The following FHIT variants were observed in gnomAD, a reference collection of about 807,000 sequenced individuals.
FHIT encodes the protein fragile histidine triad diadenosine triphosphatase.
In FHIT, 19 loss-of-function variants were observed where a neutral mutation model predicts 17.9. That is an observed-to-expected ratio of 1.06 (90% CI 0.74 to 1.56). FHIT has a LOEUF of 1.56. Ranked by LOEUF, FHIT falls within the 40% of genes most tolerant of loss-of-function variation. The pLI is 0.00. For synonymous variants in FHIT, 81 were observed against 69.7 expected (o/e 1.16, Z -0.81); for missense variants, 248 against 189.2 (o/e 1.31, Z -1.82).
At chr3:60,931,287 C>A (rs1707939686) in intron 3 of FHIT, among the ~76,000 whole-genome samples, 1 of 152,052 alleles carries the variant, frequency 6.6e-6, no homozygotes. Flanking sequence ...ATGGGTGCAG[C>A]ACACCAACAT....
chr3:61,244,166 A>C (rs935333983), intron 1 of FHIT: 8 of 152,214 alleles, frequency 5.3e-5, no homozygotes, highest in Non-Finnish European at 1.0e-4. Flanking sequence ...AAATGTAAAA[A>C]ATAAACAAAC....
intron 5 of FHIT, among the ~76,000 whole-genome samples, chr3:60,078,173 A>T (rs1448400521): frequency 6.6e-6 from 1 of 152,096 alleles, no homozygotes. Context: ...AACATACTAC[A>T]TTTTCTACAA....
intron 4 of FHIT, among the ~76,000 whole-genome samples, chr3:60,560,848 G>GAA (rs1559540546): frequency 7.0e-6 from 1 of 143,088 alleles, no homozygotes; most frequent in African/African-American, 2.6e-5. Context: ...CACACACAGA[G>GAA]AGAGAGAGAG....
intron 8 of FHIT, among the ~76,000 whole-genome samples, chr3:59,787,311 C>T (rs1332507048): frequency 6.6e-6 from 1 of 152,098 alleles, no homozygotes; most frequent in African/African-American, 2.4e-5. Context: ...GCATTTTTCT[C>T]TTTGAGTTGT....
At chr3:60,110,868 G>A (rs1704639867) in intron 5 of FHIT, among the ~76,000 whole-genome samples, 1 of 152,112 alleles carries the variant, frequency 6.6e-6, no homozygotes, top group Admixed American at 6.5e-5. Context: ...TTTCAATTAT[G>A]TAACTAAAAT....
chr3:60,635,623 T>C (rs1430406980), intron 4 of FHIT, among the ~76,000 whole-genome samples: 1 of 152,210 alleles, frequency 6.6e-6, no homozygotes, highest in Non-Finnish European at 1.5e-5. Flanking sequence ...TCCATAAATA[T>C]TTGCTGCCTG....
chr3:60,545,151 A>T (rs2036319140), intron 4 of FHIT, among the ~76,000 whole-genome samples: 1 of 151,550 alleles, frequency 6.6e-6, no homozygotes, highest in Non-Finnish European at 1.5e-5. Flanking sequence ...TTCACATAAT[A>T]CTGGTAAAAA....
chr3:59,980,821 T>A (rs1195684684), intron 7 of FHIT, among the ~76,000 whole-genome samples: 1 of 152,192 alleles, frequency 6.6e-6, no homozygotes, highest in East Asian at 1.9e-4. Flanking sequence ...GAAAAAAATG[T>A]TGGTCGTTTA....
chr3:59,986,522 T>TTTATATAAATATATAA (rs1559523493), intron 7 of FHIT, among the ~76,000 whole-genome samples: 18 of 5,346 alleles, frequency 3.4e-3, no homozygotes, highest in Non-Finnish European at 5.8e-3. Flanking sequence ...TATATATATA[T>TTTATATAAATATATAA]ATATATATAT....
chr3:60,489,128 T>A (rs924549156), intron 5 of FHIT, among the ~76,000 whole-genome samples: 1 of 151,692 alleles, frequency 6.6e-6, no homozygotes, highest in African/African-American at 2.4e-5. Flanking sequence ...AAAAATATTA[T>A]CCCCCTTTAA....
rs552765448 is a variant in FHIT at position 60,379,084 on chromosome 3, A to C, written c.103+157776T>G. Among the ~76,000 whole-genome samples the C allele has an allele frequency of 9.5e-4, 144 of 152,340 alleles. 1 individual carries two copies. The highest frequency in any genetic ancestry group is 3.2e-3 in the African/African-American group (132 of 41,582). On this transcript the variant is annotated intron_variant, in intron 5 of 9. Transcript: ENST00000492590. ...GAATCAATTTTATCCCAGACCAGTG[A>C]AAATGAGAGCACATTACTACTATGA... is the stretch of plus-strand genomic sequence containing the variant.
At chr3:61,079,003 G>GA (rs933833192) in intron 2 of FHIT, among the ~76,000 whole-genome samples, 37 of 150,428 alleles carry the variant, frequency 2.5e-4, no homozygotes, top group Admixed American at 6.6e-4. Flanking sequence ...GACCAGGTTA[G>GA]AAAAAAAAAG....
intron 5 of FHIT, among the ~76,000 whole-genome samples, chr3:60,307,277 T>A (rs58921609): frequency 0.12 from 17,630 of 152,192 alleles, 1,055 homozygotes; most frequent in Admixed American, 0.12. Flanking sequence ...TAAATTCGCC[T>A]GCCACACACC....
chr3:60,334,656 G>A (rs1238711820), intron 5 of FHIT, among the ~76,000 whole-genome samples: 3 of 152,152 alleles, frequency 2.0e-5, no homozygotes, highest in African/African-American at 7.2e-5. Context: ...GTGGGGTTGT[G>A]TGTGCCTGTA....
chr3:60,887,280 T>C (rs1377590311), intron 3 of FHIT, among the ~76,000 whole-genome samples: 1 of 152,196 alleles, frequency 6.6e-6, no homozygotes, highest in African/African-American at 2.4e-5. Context: ...AGGACTTTTG[T>C]TTTGTTTTGT....
intron 4 of FHIT, among the ~76,000 whole-genome samples, chr3:60,556,604 G>T (rs1055089731): frequency 6.6e-6 from 1 of 152,216 alleles, no homozygotes; most frequent in African/African-American, 2.4e-5. Context: ...CTTGATCAAG[G>T]TCACCCATTA....
Position 60,487,929 on chromosome 3 carries a change from T to C in FHIT, c.103+48931A>G, listed in dbSNP as rs144179404. 3.0e-3 allele frequency among the ~76,000 whole-genome samples: 461 copies of C among 152,262 alleles called. 1 individual carries two copies. Among genetic ancestry groups the C allele is most frequent in the African/African-American group, 8.8e-3 (364 of 41,558 alleles). On this transcript the variant is annotated intron_variant, in intron 5 of 9. Coordinates refer to ENST00000492590, the MANE Select transcript of FHIT (RefSeq NM_002012.4). ...ATTTCTCCAGCCAAAGCAAATAGAA[T>C]TTCGATGAAACTTCTAAGTACCTGT...
intron 5 of FHIT, among the ~76,000 whole-genome samples, chr3:60,018,608 G>A (rs1399175985): frequency 1.3e-5 from 2 of 152,172 alleles, no homozygotes; most frequent in African/African-American, 2.4e-5. Flanking sequence ...AGAGTCAGGA[G>A]AGCCACTGAC....
intron 4 of FHIT, among the ~76,000 whole-genome samples, chr3:60,560,091 G>A (rs2036883622): frequency 6.6e-6 from 1 of 151,868 alleles, no homozygotes; most frequent in Non-Finnish European, 1.5e-5. Context: ...GGGAAACTGT[G>A]CACAGTTTCT....
Sources: gnomAD v4.1 joint callset for allele counts (sites outside exome capture counted in the v4.1 genomes callset) on GRCh38, gnomAD v4.1.1 for gene constraint, MANE v1.5 for transcripts, NCBI Gene and HGNC (gene_info 2026-07-23, HGNC 2026-07-21) for gene names.